The following NLRP1 variants were observed in gnomAD, a reference collection of about 807,000 sequenced individuals.
NLRP1 encodes the protein NACHT, LRR and PYD domains-containing protein 1.
NLRP1 carries 94 observed loss-of-function variants against 136.7 expected under a neutral mutation model. The observed-to-expected ratio is 0.69, with a 90% CI of 0.58 to 0.82. The LOEUF is 0.82. Ranked by LOEUF, NLRP1 falls within the 40% of genes least tolerant of loss-of-function variation. The pLI is 0.00. For missense variants in NLRP1, 1,575 were observed against 1,802.7 expected (o/e 0.87, Z 2.29); for synonymous variants, 690 against 725.1 (o/e 0.95, Z 0.78).
Position 5,540,037 on chromosome 17 carries a change from G to A in NLRP1, c.2700-452C>T, listed in dbSNP as rs7207278. 9.2e-5 allele frequency among the ~76,000 whole-genome samples: 14 copies of A among 152,250 alleles called. No individual in the cohort carries two copies. The South Asian group carries it at 1.0e-3, about 11-fold the overall frequency. On this transcript the variant is annotated intron_variant, in intron 6 of 16. Coordinates refer to ENST00000572272, the MANE Select transcript of NLRP1 (RefSeq NM_033004.4). The stretch of plus-strand genomic sequence containing the variant: ...TAGAGGGCAAAATTAGCAACATATC[G>A]TTTTCCCAGCAGTTCCATTTTTCGG...
At chr17:5,576,053 A>C (rs1291964233) in intron 3 of NLRP1, among the ~76,000 whole-genome samples, 6 of 151,972 alleles carry the variant, frequency 3.9e-5, no homozygotes, top group East Asian at 3.9e-4. Flanking sequence ...TGAAGGCAGA[A>C]ATAAAGATGT....
chr17:5,530,350 C>T (rs1910081554), intron 12 of NLRP1, 131 bp downstream of exon 12: 2 of 711,852 alleles, frequency 2.8e-6, no homozygotes, highest in South Asian at 3.6e-5. Flanking sequence ...ATCTTAGTCC[C>T]CATCTCCATA....
chr17:5,560,143 T>C (rs906976446), intron 3 of NLRP1, 100 bp from the exon 4 acceptor site: 3 of 1,085,384 alleles, frequency 2.8e-6, no homozygotes, highest in Non-Finnish European at 3.8e-6. Context: ...AGCCACACAC[T>C]GCGCTGTCTG....
downstream of NLRP1, among the ~76,000 whole-genome samples, chr17:5,511,744 CTT>C (rs397948825): frequency 6.6e-6 from 1 of 151,704 alleles, no homozygotes; most frequent in South Asian, 2.1e-4. Flanking sequence ...CCCTCCCTCC[CTT>C]TCTCTTTTCT....
At position 5,529,464 on chromosome 17, in the gene NLRP1, T is replaced by C. The variant is rs1247626647; in HGVS notation, c.3520+1017A>G. On this transcript the variant is annotated intron_variant, in intron 12 of 16. Coordinates refer to ENST00000572272, the MANE Select transcript of NLRP1 (RefSeq NM_033004.4). ...CTCACTGCAAGCTCCACCTCCTGGG[T>C]TCACGCCATTCTCCTGCCTCAGCCT... Among the ~76,000 whole-genome samples, 3 of 151,500 alleles carry C rather than the reference T, an allele frequency of 2.0e-5. No individual in the cohort carries two copies. The East Asian group carries it at 5.8e-4, about 29-fold the overall frequency.
intron 15 of NLRP1, among the ~76,000 whole-genome samples, chr17:5,506,902 C>CA (rs199684717): frequency 0.049 from 4,287 of 87,672 alleles, 143 homozygotes; most frequent in Middle Eastern, 0.078. Flanking sequence ...AACTCCATCT[C>CA]AAAAAAAAAA....
chr17:5,580,547 T>C (rs767883712), intron 3 of NLRP1, among the ~76,000 whole-genome samples: 6 of 152,186 alleles, frequency 3.9e-5, no homozygotes, highest in African/African-American at 4.8e-5. Context: ...GTGTAACCCA[T>C]TATATTTCCC....
intron 3 of NLRP1, among the ~76,000 whole-genome samples, chr17:5,571,507 G>C (rs533987548): frequency 6.6e-6 from 1 of 152,100 alleles, no homozygotes; most frequent in African/African-American, 2.4e-5. Flanking sequence ...ATTCACAATA[G>C]CCACAAAAAA....
intron 12 of NLRP1, among the ~76,000 whole-genome samples, chr17:5,529,542 AT>A (rs1463695058): frequency 6.6e-6 from 1 of 151,708 alleles, no homozygotes; most frequent in African/African-American, 2.4e-5. Flanking sequence ...TAATTTTTGT[AT>A]TTTTAGTAGA....
intron 3 of NLRP1, among the ~76,000 whole-genome samples, chr17:5,563,349 C>A (rs754590564): frequency 6.6e-6 from 1 of 152,098 alleles, no homozygotes; most frequent in Non-Finnish European, 1.5e-5. Context: ...AGGAGAAAGT[C>A]AAAATCCAGT....
chr17:5,548,415 C>G (rs1042838648), intron 5 of NLRP1, among the ~76,000 whole-genome samples: 1 of 152,176 alleles, frequency 6.6e-6, no homozygotes, highest in African/African-American at 2.4e-5. Context: ...GGATAGAGAG[C>G]CATCAATGAC....
At chr17:5,551,077 A>T (rs921468276) in intron 5 of NLRP1, among the ~76,000 whole-genome samples, 1 of 150,378 alleles carries the variant, frequency 6.6e-6, no homozygotes, top group African/African-American at 2.4e-5. Context: ...ATTAGGGGTC[A>T]CTCTTGGTGG....
At chr17:5,507,189 G>A (rs78437751) in intron 15 of NLRP1, among the ~76,000 whole-genome samples, 6,621 of 152,168 alleles carry the variant, frequency 0.044, 401 homozygotes, top group East Asian at 0.14. Context: ...GTTGCACGTC[G>A]AGGTGAATGT....
intron 3 of NLRP1, among the ~76,000 whole-genome samples, chr17:5,570,237 A>G (rs1046566996): frequency 5.3e-5 from 8 of 152,200 alleles, no homozygotes; most frequent in African/African-American, 1.9e-4. Context: ...AAGCTAGCAG[A>G]AGACAAGAAA....
At chr17:5,582,534 C>T in intron 2 of NLRP1, 136 bp downstream of exon 2, 2 of 796,392 alleles carry the variant, frequency 2.5e-6, no homozygotes, top group South Asian at 3.5e-5. Flanking sequence ...CTCTCACAGC[C>T]CATCCTGGCT....
chr17:5,552,793 C>T (rs751980129), intron 5 of NLRP1, among the ~76,000 whole-genome samples: 2 of 152,200 alleles, frequency 1.3e-5, no homozygotes, highest in African/African-American at 2.4e-5. Context: ...CAAACTATTA[C>T]CATCTTTGCA....
At chr17:5,528,729 G>A (rs2151751870) in intron 12 of NLRP1, among the ~76,000 whole-genome samples, 1 of 151,938 alleles carries the variant, frequency 6.6e-6, no homozygotes, top group Admixed American at 6.5e-5. Flanking sequence ...TTTATTTTGA[G>A]GTGATACTAA....
intron 3 of NLRP1, 139 bp from the exon 4 acceptor site, chr17:5,560,182 C>T (rs1054859121): frequency 4.9e-5 from 38 of 781,316 alleles, no homozygotes; most frequent in Non-Finnish European, 6.4e-5. Context: ...TGCCATGCGG[C>T]GGAAGGACAT....
intron 14 of NLRP1, chr17:5,518,638 G>A (rs530467959): frequency 6.7e-6 from 1 of 149,672 alleles, no homozygotes; most frequent in African/African-American, 2.5e-5. Flanking sequence ...TGAACTCCTG[G>A]GCTCAAGTGC....
Sources: gnomAD v4.1 joint callset for allele counts (sites outside exome capture counted in the v4.1 genomes callset) on GRCh38, gnomAD v4.1.1 for gene constraint, MANE v1.5 for transcripts, NCBI Gene and HGNC (gene_info 2026-07-23, HGNC 2026-07-21) for gene names.